UTP6: variants seen among roughly 807,000 people sequenced by gnomAD.
UTP6 encodes UTP6 small subunit processome component.
UTP6 carries 60 observed loss-of-function variants against 96.5 expected under a neutral mutation model. The ratio of observed to expected loss-of-function variants is 0.62; its 90% CI spans 0.51 to 0.77. The LOEUF is 0.77. UTP6 is among the 30% of genes least tolerant of loss of function. The pLI, the probability that UTP6 is intolerant of heterozygous loss-of-function variation, is 0.00. For missense variants in UTP6, 637 were observed against 706.5 expected (o/e 0.90, Z 1.12); for synonymous variants, 215 against 240.1 (o/e 0.90, Z 0.96).
chr17:31,870,688 AT>A (rs536395430), intron 16 of UTP6, among the ~76,000 whole-genome samples: 11 of 149,664 alleles, frequency 7.3e-5, no homozygotes, highest in African/African-American at 2.7e-4. Context: ...CATCTGACTA[AT>A]TTTTTTTGTA....
At chr17:31,883,083 T>C (rs959948530) in intron 10 of UTP6, among the ~76,000 whole-genome samples, 1 of 152,088 alleles carries the variant, frequency 6.6e-6, no homozygotes, top group Non-Finnish European at 1.5e-5. Flanking sequence ...CCTGTAATCC[T>C]TGCACTTTGG....
In UTP6 at chr17:31,875,146, T is replaced by A. The variant is rs1039180418; in HGVS notation, c.1305+88A>T. ...GCAAATGCCACTCTAGAGTTGGCTC[T>A]CAATAGACAAGTACATTCCAAATGA... On this transcript the variant is annotated intron_variant, in intron 14 of 18. Transcript: ENST00000261708. 2.7e-6 allele frequency: 4 copies of A among 1,498,836 alleles called. No homozygotes were observed. The African/African-American group carries it at 5.6e-5, about 21-fold the overall frequency. The allele number at this position is 1,498,836 out of a possible 1,614,324, so 92.8% of individuals were successfully genotyped here.
intron 7 of UTP6, among the ~76,000 whole-genome samples, chr17:31,888,424 C>T (rs1300023882): frequency 6.6e-6 from 1 of 151,980 alleles, no homozygotes; most frequent in Non-Finnish European, 1.5e-5. Flanking sequence ...GATGTTTTTC[C>T]CTGGCCGGGC....
chr17:31,887,218 A>C lies in UTP6; in HGVS notation c.621+18T>G. On this transcript the variant is annotated intron_variant, in intron 8 of 18. Coordinates refer to ENST00000261708, the MANE Select transcript of UTP6 (RefSeq NM_018428.3). ...TATACATCGTTAGCAAGTGAGAATA[A>C]AATAATTAGAACCTTACCACATCCA... 6.2e-7 allele frequency: 1 copy of C among 1,607,432 alleles called. No individual in the cohort carries two copies.
chr17:31,898,629 C>CG (rs1389820804), intron 2 of UTP6, among the ~76,000 whole-genome samples: 1 of 151,910 alleles, frequency 6.6e-6, no homozygotes, highest in African/African-American at 2.4e-5. Flanking sequence ...ACCCAGGAGG[C>CG]GGAGGTTGCG....
chr17:31,880,675 C>T lies in UTP6; in HGVS notation c.865G>A (p.Glu289Lys). 2 of 1,614,196 alleles carry T rather than the reference C, an allele frequency of 1.2e-6. No homozygotes were observed. Among genetic ancestry groups the T allele is most frequent in the Non-Finnish European group, 1.7e-6 (2 of 1,180,026 alleles). Reference sequence around the variant, plus strand: ...GCTTGTTTCGTTGTAGGCTGCTCTTCTGTCTGTGACTCAATCTCTAATTCT... The same window carrying T: ...GCTTGTTTCGTTGTAGGCTGCTCTTTTGTCTGTGACTCAATCTCTAATTCT... ...RRELEIESQTEEQPTTKQAKA... is the reference protein window; with the variant it reads ...RRELEIESQTKEQPTTKQAKA... Residue 289 changes from glutamate (E) to lysine (K), a missense_variant, in exon 11 of 19, where the codon GAA (glutamate) becomes AAA (lysine). Coordinates refer to ENST00000261708, the MANE Select transcript of UTP6 (RefSeq NM_018428.3).
At chr17:31,868,207 A>G (rs1413953903) in intron 16 of UTP6, 95 bp from the exon 17 acceptor site, 2 of 1,099,728 alleles carry the variant, frequency 1.8e-6, no homozygotes, top group Non-Finnish European at 1.3e-6. Context: ...TCCACAACAC[A>G]TGGTTTAATA....
At chr17:31,865,828 A>G (rs1011697882) in intron 17 of UTP6, among the ~76,000 whole-genome samples, 5 of 152,190 alleles carry the variant, frequency 3.3e-5, no homozygotes, top group African/African-American at 7.2e-5. Flanking sequence ...CTTATTTGTT[A>G]TATCCACCTT....
In UTP6 at chr17:31,863,529, A is replaced by G; in HGVS notation, c.1637-13T>C. On this transcript the variant is annotated splice_polypyrimidine_tract_variant and intron_variant, in intron 18 of 18. Transcript: ENST00000261708. ...TCCATCCAAAGATCTTTTAAAAAAA[A>G]AACATACAATTAGATAACTGACAGA... The G allele has an allele frequency of 6.3e-7, 1 of 1,591,682 alleles. No homozygotes were observed. Among genetic ancestry groups the G allele is most frequent in the Non-Finnish European group, 8.5e-7 (1 of 1,171,208 alleles).
chr17:31,869,942 T>C (rs1395656406), intron 16 of UTP6, among the ~76,000 whole-genome samples: 2 of 152,244 alleles, frequency 1.3e-5, no homozygotes, highest in African/African-American at 2.4e-5. Flanking sequence ...TTTCTGTTCC[T>C]GTGATAACTT....
chr17:31,865,371 T>C lies in UTP6; in HGVS notation c.1631A>G (p.Asp544Gly), dbSNP rs147417068. The change falls in exon 18 of 19, where the codon GAT (aspartate) becomes GGT (glycine). Residue 544 changes from aspartate (D) to glycine (G), a missense_variant. Coordinates refer to ENST00000261708, the MANE Select transcript of UTP6 (RefSeq NM_018428.3). ...ERALREFGSADSDLWMDYMKE... is the reference protein window; with the variant it reads ...ERALREFGSAGSDLWMDYMKE... Reference sequence around the variant, plus strand: ...CAAATTAAGGGTTTACTTACCAGAATCTGCGGATCCAAACTCTCTCAAAGC... The same window carrying C: ...CAAATTAAGGGTTTACTTACCAGAACCTGCGGATCCAAACTCTCTCAAAGC... 1.2e-6 allele frequency: 2 copies of C among 1,614,058 alleles called. No individual in the cohort carries two copies. Among genetic ancestry groups the C allele is most frequent in the Non-Finnish European group, 1.7e-6 (2 of 1,179,926 alleles).
At chr17:31,878,154 T>C in intron 13 of UTP6, 96 bp downstream of exon 13, 1 of 1,291,808 alleles carries the variant, frequency 7.7e-7, no homozygotes, top group Non-Finnish European at 1.1e-6. Context: ...GTGGCCTTCA[T>C]CTTAAGACTA....
Position 31,863,350 on chromosome 17 carries a change from T to G in UTP6, c.*9A>C. 1 of 1,612,346 alleles carries G rather than the reference T, an allele frequency of 6.2e-7. No individual in the cohort carries two copies. Among genetic ancestry groups the G allele is most frequent in the Non-Finnish European group, 8.5e-7 (1 of 1,179,670 alleles). On this transcript the variant is annotated 3_prime_UTR_variant, in exon 19 of 19. Coordinates refer to ENST00000261708, the MANE Select transcript of UTP6 (RefSeq NM_018428.3). Reference sequence around the variant, plus strand: ...TACTATTTCACAAAGCTGACTGTATTCTTCATCTTCATAAATGGCCAGTCT... The same window carrying G: ...TACTATTTCACAAAGCTGACTGTATGCTTCATCTTCATAAATGGCCAGTCT...
At chr17:31,895,315 A>G (rs980125791) in intron 2 of UTP6, among the ~76,000 whole-genome samples, 2 of 152,186 alleles carry the variant, frequency 1.3e-5, no homozygotes, top group African/African-American at 4.8e-5. Context: ...ATTGCACTAC[A>G]TTTGCTTCAA....
intron 16 of UTP6, among the ~76,000 whole-genome samples, chr17:31,872,546 C>A (rs1054767407): frequency 6.6e-6 from 1 of 151,574 alleles, no homozygotes; most frequent in East Asian, 1.9e-4. Flanking sequence ...CATGGTGGTA[C>A]ATGCCTGTAG....
intron 2 of UTP6, among the ~76,000 whole-genome samples, chr17:31,896,626 T>A (rs889104892): frequency 6.7e-6 from 1 of 149,894 alleles, no homozygotes; most frequent in Non-Finnish European, 1.5e-5. Flanking sequence ...TTGTAGTGTC[T>A]TTTTTGCACA....
At chr17:31,868,148 G>T in intron 16 of UTP6, 36 bp from the exon 17 acceptor site, 2 of 1,588,086 alleles carry the variant, frequency 1.3e-6, no homozygotes, top group South Asian at 2.2e-5. Context: ...CTTCAACAAT[G>T]ACAAAAAGCC....
rs1403627483 is a variant in UTP6, at chr17:31,889,304, C to T, written c.524G>A (p.Cys175Tyr). 3.1e-6 allele frequency: 5 copies of T among 1,612,782 alleles called. No individual in the cohort carries two copies. The highest frequency in any genetic ancestry group is 4.2e-6 in the Non-Finnish European group (5 of 1,179,308). ...FLRALRFHPE[C>Y]PKLYKEYFRM... The stretch of plus-strand genomic sequence containing the variant: ...ACTCACTTCTTTATAAAGTTTTGGG[C>T]ACTCTGGATGAAAGCGCAGTGCGCG... The change falls in exon 7 of 19, where the codon TGC becomes TAC. Residue 175 changes from cysteine (C) to tyrosine (Y), a missense_variant. Physicochemically the swap from Cys to Tyr is radical, Grantham distance 194. Transcript: ENST00000261708.
At chr17:31,866,767 C>T (rs1334091256) in intron 17 of UTP6, 1 of 147,716 alleles carries the variant, frequency 6.8e-6, no homozygotes, top group African/African-American at 2.5e-5. Context: ...GGCCTGTAAT[C>T]CCAGCTACTC....
Sources: gnomAD v4.1 joint callset for allele counts (sites outside exome capture counted in the v4.1 genomes callset) on GRCh38, gnomAD v4.1.1 for gene constraint, MANE v1.5 for transcripts, NCBI Gene and HGNC (gene_info 2026-07-23, HGNC 2026-07-21) for gene names.